The following VWA3B variants were observed in gnomAD, a reference collection of about 807,000 sequenced individuals.
The protein encoded by VWA3B is von Willebrand factor A domain containing 3B, also known as von Willebrand factor A domain-containing protein 3B.
Under a neutral mutation model 158.3 loss-of-function variants are expected in VWA3B, and 138 were observed. The observed-to-expected ratio is 0.87, with a 90% CI of 0.76 to 1.00. VWA3B has a LOEUF of 1.00. Ranked by LOEUF, VWA3B falls within the 50% of genes least tolerant of loss-of-function variation. The pLI is 0.00. For missense variants in VWA3B, 1,555 were observed against 1,565.1 expected, an observed-to-expected ratio of 0.99 and a Z score of 0.11; for synonymous variants, 596 against 587.3, an observed-to-expected ratio of 1.01 and a Z score of -0.21.
rs772653396 is a variant in VWA3B, at chr2:98,200,529, CA to C, written c.1737+6039del. ...CTGCACTCCAGCCTAGGTGATACAG[CA>C]AGACTCCATCTCAAAAAAAAAAAAA... On this transcript the variant is annotated intron_variant, in intron 12 of 27. Transcript: ENST00000477737. Among the ~76,000 whole-genome samples, 321 of 125,582 alleles carry C rather than the reference CA, an allele frequency of 2.6e-3. 2 individuals carry two copies. Among genetic ancestry groups the C allele is most frequent in the East Asian group, 1.2e-3 (5 of 4,202 alleles). 82.4% of individuals were successfully genotyped at this position (125,582 alleles called of 152,430 possible).
intron 21 of VWA3B, among the ~76,000 whole-genome samples, chr2:98,258,414 G>T (rs1434498480): frequency 6.6e-6 from 1 of 151,720 alleles, no homozygotes; most frequent in Non-Finnish European, 1.5e-5. Context: ...TTTTTGTAGG[G>T]ATTATATTTA....
chr2:98,097,969 T>G (rs1323692832), intron 2 of VWA3B, among the ~76,000 whole-genome samples: 1 of 152,170 alleles, frequency 6.6e-6, no homozygotes, highest in African/African-American at 2.4e-5. Flanking sequence ...TTTAATTTAT[T>G]TATAGACCCA....
intron 5 of VWA3B, among the ~76,000 whole-genome samples, chr2:98,124,766 A>G (rs1388614511): frequency 6.6e-6 from 1 of 152,228 alleles, no homozygotes; most frequent in Non-Finnish European, 1.5e-5. Flanking sequence ...CCAGTGGAGC[A>G]GAGGGCAGTC....
At position 98,236,279 on chromosome 2, in the gene VWA3B, C is replaced by T. The variant is rs377715044; in HGVS notation, c.2429-111C>T. 2.8e-5 allele frequency: 32 copies of T among 1,155,360 alleles called. No individual in the cohort carries two copies. In the African/African-American group the frequency reaches 4.2e-4, roughly 15 times the overall value. 71.6% of individuals were successfully genotyped at this position (1,155,360 alleles called of 1,614,324 possible). On this transcript the variant is annotated intron_variant, in intron 17 of 27. Coordinates refer to ENST00000477737, the MANE Select transcript of VWA3B (RefSeq NM_144992.5). ...CAGGATATGTTCTCTGAAATGTGGTCCATTTATTAGCTCTCAGTCACAGCT... is the reference window on the plus strand; with the variant it reads ...CAGGATATGTTCTCTGAAATGTGGTTCATTTATTAGCTCTCAGTCACAGCT...
chr2:98,282,376 T>G (rs562294887), intron 22 of VWA3B, among the ~76,000 whole-genome samples: 1 of 151,756 alleles, frequency 6.6e-6, no homozygotes, highest in Non-Finnish European at 1.5e-5. Context: ...CAACCAGAAA[T>G]GAATTCTTGC....
intron 2 of VWA3B, among the ~76,000 whole-genome samples, chr2:98,098,666 C>CT (rs1301267631): frequency 1.3e-4 from 20 of 152,032 alleles, no homozygotes; most frequent in Non-Finnish European, 4.4e-5. Flanking sequence ...TACAGCCACT[C>CT]TGTGTATTTT....
chr2:98,188,916 G>C (rs1333703007), intron 10 of VWA3B, among the ~76,000 whole-genome samples: 1 of 152,206 alleles, frequency 6.6e-6, no homozygotes, highest in East Asian at 1.9e-4. Context: ...CTTGTGGTAG[G>C]AGGCTAAGGA....
intron 2 of VWA3B, among the ~76,000 whole-genome samples, chr2:98,096,916 A>T (rs1048990293): frequency 7.2e-5 from 11 of 151,980 alleles, no homozygotes; most frequent in Middle Eastern, 3.4e-3. Context: ...TTCTGCTCTG[A>T]TCGCTAAGGT....
At chr2:98,204,591 T>C (rs1682856199) in intron 12 of VWA3B, among the ~76,000 whole-genome samples, 1 of 152,244 alleles carries the variant, frequency 6.6e-6, no homozygotes. Flanking sequence ...ATTCATTTTA[T>C]ACTTTGTTGG....
chr2:98,173,407 A>G (rs1679757012), intron 8 of VWA3B, among the ~76,000 whole-genome samples: 1 of 152,242 alleles, frequency 6.6e-6, no homozygotes, highest in Admixed American at 6.5e-5. Flanking sequence ...AGAAAGGACC[A>G]AGACTGTGCT....
At chr2:98,092,816 G>GTATGTATATATA (rs1553633938) in intron 1 of VWA3B, among the ~76,000 whole-genome samples, 1 of 51,500 alleles carries the variant, frequency 1.9e-5, no homozygotes, top group African/African-American at 5.7e-5. Flanking sequence ...AGATGTTTTT[G>GTATGTATATATA]TATATATATA....
intron 14 of VWA3B, among the ~76,000 whole-genome samples, chr2:98,222,151 C>A (rs576687330): frequency 5.3e-5 from 8 of 152,262 alleles, no homozygotes; most frequent in African/African-American, 1.9e-4. Flanking sequence ...ATCGACGAGA[C>A]TGAAGGAGGT....
intron 7 of VWA3B, among the ~76,000 whole-genome samples, chr2:98,158,223 C>T (rs2105214877): frequency 6.6e-6 from 1 of 152,172 alleles, no homozygotes; most frequent in East Asian, 1.9e-4. Flanking sequence ...CTAGATAGAA[C>T]CTGGGCTGAG....
At chr2:98,304,522 C>T (rs527480408) in intron 26 of VWA3B, among the ~76,000 whole-genome samples, 149 of 152,290 alleles carry the variant, frequency 9.8e-4, no homozygotes, top group African/African-American at 3.3e-3. Context: ...CTTCATTCTC[C>T]TAATGGCCTT....
chr2:98,096,178 G>T (rs982475852), intron 2 of VWA3B, among the ~76,000 whole-genome samples: 1 of 152,154 alleles, frequency 6.6e-6, no homozygotes, highest in Non-Finnish European at 1.5e-5. Flanking sequence ...TTTTTGGGAA[G>T]AGTTTGAGAA....
the VWA3B span, among the ~76,000 whole-genome samples, chr2:98,329,941 G>A: frequency 6.6e-6 from 1 of 152,140 alleles, no homozygotes; most frequent in African/African-American, 2.4e-5. Context: ...GTGTAAAGAT[G>A]GGTGATAAGA....
At chr2:98,287,595 G>C (rs141025147) in intron 22 of VWA3B, among the ~76,000 whole-genome samples, 171 of 152,262 alleles carry the variant, frequency 1.1e-3, no homozygotes, top group Non-Finnish European at 1.9e-3. Flanking sequence ...TTTAGAGTTG[G>C]ACTTTACAAG....
chr2:98,143,752 C>CTTTTTTT (rs534351736), intron 7 of VWA3B, among the ~76,000 whole-genome samples: 2 of 130,952 alleles, frequency 1.5e-5, no homozygotes, highest in Non-Finnish European at 1.6e-5. Context: ...CTTTTCTTTT[C>CTTTTTTT]TTTTTTTTTT....
At chr2:98,108,084 T>A (rs1033774993) in intron 2 of VWA3B, among the ~76,000 whole-genome samples, 1 of 152,064 alleles carries the variant, frequency 6.6e-6, no homozygotes, top group Non-Finnish European at 1.5e-5. Flanking sequence ...TAATTAAAAG[T>A]CTTTTATTTT....
Sources: gnomAD v4.1 joint callset for allele counts (sites outside exome capture counted in the v4.1 genomes callset) on GRCh38, gnomAD v4.1.1 for gene constraint, MANE v1.5 for transcripts, NCBI Gene and HGNC (gene_info 2026-07-23, HGNC 2026-07-21) for gene names.